The following CLASP2 variants were observed in gnomAD, a reference collection of about 807,000 sequenced individuals.
CLASP2 encodes CLIP-associating protein 2.
In CLASP2, 47 loss-of-function variants were observed where a neutral mutation model predicts 194.4. The observed-to-expected ratio is 0.24, with a 90% CI of 0.19 to 0.31. The LOEUF is 0.31. Ranked by LOEUF, CLASP2 falls within the 10% of genes least tolerant of loss-of-function variation. CLASP2 has a pLI of 1.00. For missense variants in CLASP2, 1,445 were observed against 1,823.6 expected (o/e 0.79, Z 3.78); for synonymous variants, 619 against 633.5 (o/e 0.98, Z 0.34).
intron 26 of CLASP2, among the ~76,000 whole-genome samples, chr3:33,567,386 A>G (rs1337430008): frequency 6.6e-6 from 1 of 152,214 alleles, no homozygotes; most frequent in East Asian, 1.9e-4. Flanking sequence ...TTGAATTTCT[A>G]CCGTAGTTGT....
At chr3:33,659,514 T>C (rs1056727845) in intron 7 of CLASP2, 1 of 546,058 alleles carries the variant, frequency 1.8e-6, no homozygotes, top group African/African-American at 2.1e-5. Flanking sequence ...TACCTTTTAA[T>C]ATTTACAACA....
intron 17 of CLASP2, among the ~76,000 whole-genome samples, chr3:33,603,868 C>T (rs1365776108): frequency 6.6e-6 from 1 of 152,026 alleles, no homozygotes. Flanking sequence ...TGAGTTATGA[C>T]CCATTAATAG....
chr3:33,710,300 T>C (rs1007224353), intron 1 of CLASP2, among the ~76,000 whole-genome samples: 4 of 152,226 alleles, frequency 2.6e-5, no homozygotes, highest in African/African-American at 4.8e-5. Flanking sequence ...GATATACATA[T>C]AGAAAACCTT....
chr3:33,702,797 A>G (rs1315181127), intron 1 of CLASP2, among the ~76,000 whole-genome samples: 2 of 152,202 alleles, frequency 1.3e-5, no homozygotes, highest in Non-Finnish European at 2.9e-5. Context: ...AAGAATAGAA[A>G]GTCTGGAAAT....
chr3:33,560,311 C>T (rs149587694), intron 28 of CLASP2, among the ~76,000 whole-genome samples: 15,042 of 151,310 alleles, frequency 0.099, 1,088 homozygotes, highest in East Asian at 0.21. Context: ...GGTGCAATCT[C>T]GGCTCACTGC....
chr3:33,616,102 A>G (rs1257716304), intron 12 of CLASP2, among the ~76,000 whole-genome samples: 1 of 152,154 alleles, frequency 6.6e-6, no homozygotes, highest in Non-Finnish European at 1.5e-5. Flanking sequence ...CAATAAAACT[A>G]TAAACTGAAT....
chr3:33,711,723 T>G (rs750739254), intron 1 of CLASP2, among the ~76,000 whole-genome samples: 1 of 151,952 alleles, frequency 6.6e-6, no homozygotes, highest in Non-Finnish European at 1.5e-5. Context: ...AGGGCATGAA[T>G]AGGCAATTTC....
At chr3:33,651,201 G>C (rs146260821) in intron 7 of CLASP2, among the ~76,000 whole-genome samples, 1,642 of 152,146 alleles carry the variant, frequency 0.011, 11 homozygotes, top group Middle Eastern at 0.027. Flanking sequence ...TGGCCAACAT[G>C]GTGAAACCTC....
intron 37 of CLASP2, chr3:33,502,174 G>T: frequency 6.4e-6 from 1 of 155,920 alleles, no homozygotes; most frequent in East Asian, 1.9e-4. Context: ...ACATAATCCA[G>T]GCCCGATTAA....
At chr3:33,578,395 AAATG>A (rs1175844973) in intron 23 of CLASP2, among the ~76,000 whole-genome samples, 1 of 152,212 alleles carries the variant, frequency 6.6e-6, no homozygotes, top group Non-Finnish European at 1.5e-5. Context: ...TTACATACAG[AAATG>A]AATAGCCAAA....
At chr3:33,697,547 T>C (rs964023863) in intron 1 of CLASP2, among the ~76,000 whole-genome samples, 5 of 152,224 alleles carry the variant, frequency 3.3e-5, no homozygotes, top group Non-Finnish European at 4.4e-5. Flanking sequence ...CACCATTGTA[T>C]ATACAGTCCA....
In CLASP2 at chr3:33,577,141, C is replaced by T. The variant is rs767633043; in HGVS notation, c.2348-866G>A. The T allele has an allele frequency of 3.7e-4, 447 of 1,198,054 alleles. 1 individual carries two copies. Among genetic ancestry groups the T allele is most frequent in the Non-Finnish European group, 4.9e-4 (413 of 842,552 alleles). The allele number at this position is 1,198,054 out of a possible 1,614,324, so 74.2% of individuals were successfully genotyped here. A position where few individuals can be genotyped will look rare whatever the true frequency, so the allele number is the denominator to read the frequency against. ...AAACATGAATATTATTTAATGGAAACTGAAAAGGATAAAATCTGAGATGAA... is the reference window on the plus strand; with the variant it reads ...AAACATGAATATTATTTAATGGAAATTGAAAAGGATAAAATCTGAGATGAA... On this transcript the variant is annotated intron_variant, in intron 23 of 38. Transcript: ENST00000682230.
chr3:33,584,815 T>G lies in CLASP2; in HGVS notation c.2174A>C (p.Lys725Thr), dbSNP rs749078873. Residue 725 changes from lysine to threonine, a missense_variant, in exon 22 of 39, where the codon AAA becomes ACA. Physicochemically the swap from Lys to Thr is moderately conservative, Grantham distance 78. Coordinates refer to ENST00000682230, the MANE Select transcript of CLASP2 (RefSeq NM_001365631.1). ...CTGGCTCCGTGGTATCTTGCTTCTT[T>G]TTTGTGCTGAGGCTGAATTGACCAG... ...RVLVNSASAQ[K>T]RSKIPRSQGC... is the part of the protein sequence containing the mutation. 4 of 1,613,884 alleles carry G rather than the reference T, an allele frequency of 2.5e-6. No homozygotes were observed. The highest frequency in any genetic ancestry group is 3.4e-6 in the Non-Finnish European group (4 of 1,179,858).
chr3:33,689,650 TAAG>T (rs540319855), intron 3 of CLASP2, 176 bp downstream of exon 3: 139 of 447,430 alleles, frequency 3.1e-4, no homozygotes, highest in Non-Finnish European at 3.3e-4. Flanking sequence ...GAGTACAAAA[TAAG>T]AATCAGAAGC....
At chr3:33,567,522 T>C (rs1385811729) in intron 26 of CLASP2, among the ~76,000 whole-genome samples, 1 of 152,204 alleles carries the variant, frequency 6.6e-6, no homozygotes, top group African/African-American at 2.4e-5. Flanking sequence ...GGGATGGCTT[T>C]TGGCAACTGA....
intron 3 of CLASP2, among the ~76,000 whole-genome samples, chr3:33,689,405 A>C (rs1489694463): frequency 6.6e-6 from 1 of 152,026 alleles, no homozygotes; most frequent in African/African-American, 2.4e-5. Context: ...ATTAGTTCTG[A>C]AATATAAAAT....
At chr3:33,525,262 C>T in intron 34 of CLASP2, among the ~76,000 whole-genome samples, 1 of 151,876 alleles carries the variant, frequency 6.6e-6, no homozygotes, top group Non-Finnish European at 1.5e-5. Context: ...GAAAACAGTG[C>T]TAAGGGGGAA....
chr3:33,535,633 C>T lies in CLASP2; in HGVS notation c.3559-172G>A, dbSNP rs3772106. Among the ~76,000 whole-genome samples, 36,286 of 151,924 alleles carry T rather than the reference C, an allele frequency of 0.24. 4,838 individuals carry two copies. The highest frequency in any genetic ancestry group is 0.37 in the Admixed American group (5,601 of 15,276). ...ACATTATGAGTTACAATTTATATTC[C>T]AGACGTCAAAGCTTAAAAATATAAA... On this transcript the variant is annotated intron_variant, in intron 33 of 38. Transcript: ENST00000682230.
At chr3:33,621,512 T>C (rs2077104012) in intron 11 of CLASP2, among the ~76,000 whole-genome samples, 1 of 152,212 alleles carries the variant, frequency 6.6e-6, no homozygotes, top group Admixed American at 6.5e-5. Flanking sequence ...CTGTTAATAA[T>C]GGCAGTTTTG....
Sources: allele counts gnomAD v4.1 joint callset (sites outside exome capture counted in the v4.1 genomes callset), GRCh38; gene constraint gnomAD v4.1.1; transcripts MANE v1.5; gene names NCBI Gene and HGNC (gene_info 2026-07-23, HGNC 2026-07-21).